Variants in KMT2C observed in about 807,000 individuals in gnomAD.
The protein encoded by KMT2C is lysine methyltransferase 2C.
Under a neutral mutation model 507.9 loss-of-function variants are expected in KMT2C, and 88 were observed. The observed-to-expected ratio is 0.17, with a 90% CI of 0.15 to 0.21. The LOEUF is 0.21. KMT2C is among the 10% of genes least tolerant of loss of function. KMT2C has a pLI of 1.00. For missense variants in KMT2C, 4,954 were observed against 5,957.8 expected, an observed-to-expected ratio of 0.83 and a Z score of 5.55; for synonymous variants, 2,049 against 2,080.8, an observed-to-expected ratio of 0.98 and a Z score of 0.42.
intron 6 of KMT2C, among the ~76,000 whole-genome samples, chr7:152,296,592 C>T (rs2096498860): frequency 6.6e-6 from 1 of 151,900 alleles, no homozygotes; most frequent in South Asian, 2.1e-4. Flanking sequence ...GAGGTCCTGC[C>T]CACTATCTTT....
At chr7:152,282,991 T>C (rs997678817) in intron 6 of KMT2C, among the ~76,000 whole-genome samples, 1 of 152,090 alleles carries the variant, frequency 6.6e-6, no homozygotes, top group Non-Finnish European at 1.5e-5. Context: ...ACCTGGTATC[T>C]CTCCAATAGT....
chr7:152,186,506 A>G (rs778278042), intron 33 of KMT2C, among the ~76,000 whole-genome samples: 8 of 152,226 alleles, frequency 5.3e-5, no homozygotes, highest in Non-Finnish European at 1.0e-4. Flanking sequence ...TTATTACAAT[A>G]CATAATGAAT....
In KMT2C at chr7:152,177,974, C is replaced by T. The variant is rs774939133; in HGVS notation, c.7479G>A (p.Pro2493=). ...GAGGCACAAGGAAGCGCTCTTGACTCGGCATGGTACCATGACTACCTCCTG... is the reference window on the plus strand; with the variant it reads ...GAGGCACAAGGAAGCGCTCTTGACTTGGCATGGTACCATGACTACCTCCTG... ...GFPGGSHGTM[P]SQERFLVPPQ... is the part of the protein sequence containing the mutation. Residue 2493 remains proline (P), a synonymous_variant, in exon 38 of 59, where the codon CCG becomes CCA. Transcript: ENST00000262189. 18 of 1,441,576 alleles carry T rather than the reference C, an allele frequency of 1.2e-5. No homozygotes were observed. The highest frequency in any genetic ancestry group is 2.9e-5 in the East Asian group (1 of 34,290). The allele number at this position is 1,441,576 out of a possible 1,614,324, so 89.3% of individuals were successfully genotyped here.
At chr7:152,359,698 TAGAA>T (rs2097180317) in intron 1 of KMT2C, among the ~76,000 whole-genome samples, 1 of 149,182 alleles carries the variant, frequency 6.7e-6, no homozygotes, top group South Asian at 2.1e-4. Context: ...AGGGAGGAAA[TAGAA>T]AGAAAAAATA....
intron 34 of KMT2C, among the ~76,000 whole-genome samples, chr7:152,183,585 A>G (rs1211700375): frequency 6.6e-6 from 1 of 151,618 alleles, no homozygotes; most frequent in African/African-American, 2.4e-5. Flanking sequence ...AACATGGTGA[A>G]ACCCCACCTC....
intron 1 of KMT2C, among the ~76,000 whole-genome samples, chr7:152,431,636 T>C (rs1288305478): frequency 6.6e-6 from 1 of 151,864 alleles, no homozygotes; most frequent in African/African-American, 2.4e-5. Flanking sequence ...AACAGGTTCT[T>C]ATTCATGGGA....
At chr7:152,225,413 G>A (rs1380673606) in intron 18 of KMT2C, among the ~76,000 whole-genome samples, 2 of 152,186 alleles carry the variant, frequency 1.3e-5, no homozygotes, top group Admixed American at 6.5e-5. Context: ...ACACCCATCA[G>A]AATGGCACCA....
rs113472404 is a variant in KMT2C at position 152,384,012 on chromosome 7, T to C, written c.162-25337A>G. ...AAAAAAAAAACAAGAACTAAGACTC[T>C]AGAAGGAGATCCGAGAGGCAGACAT... On this transcript the variant is annotated intron_variant, in intron 1 of 58. Coordinates refer to ENST00000262189, the MANE Select transcript of KMT2C (RefSeq NM_170606.3). Among the ~76,000 whole-genome samples the C allele has an allele frequency of 4.2e-3, 633 of 151,642 alleles. 6 individuals carry two copies. Among genetic ancestry groups the C allele is most frequent in the African/African-American group, 0.015 (611 of 41,206 alleles).
chr7:152,189,459 GA>G (rs2093724449), intron 31 of KMT2C, among the ~76,000 whole-genome samples: 3 of 151,900 alleles, frequency 2.0e-5, no homozygotes, highest in Non-Finnish European at 4.4e-5. Context: ...TATAACTAGA[GA>G]ATTCCTAACC....
At chr7:152,254,720 A>G (rs1472497894) in intron 9 of KMT2C, among the ~76,000 whole-genome samples, 1 of 152,182 alleles carries the variant, frequency 6.6e-6, no homozygotes, top group East Asian at 1.9e-4. Flanking sequence ...TTCTGGAGCC[A>G]ATGCAAGCAT....
intron 26 of KMT2C, among the ~76,000 whole-genome samples, chr7:152,199,728 T>C (rs947046990): frequency 6.6e-6 from 1 of 152,210 alleles, no homozygotes; most frequent in African/African-American, 2.4e-5. Flanking sequence ...CAAAGGTTTC[T>C]AGAAACTGCA....
At chr7:152,140,293 G>A (rs1450608612) in intron 55 of KMT2C, among the ~76,000 whole-genome samples, 2 of 152,210 alleles carry the variant, frequency 1.3e-5, no homozygotes, top group Non-Finnish European at 2.9e-5. Flanking sequence ...CACAGGAAAC[G>A]TCACTCTGCT....
chr7:152,238,562 T>C lies in KMT2C; in HGVS notation c.2652+145A>G, dbSNP rs192433964. 3.1e-4 allele frequency: 191 copies of C among 625,178 alleles called. No individual in the cohort carries two copies. In the African/African-American group the frequency reaches 3.2e-3, roughly 11 times the overall value. The allele number at this position is 625,178 out of a possible 1,614,324, so 38.7% of individuals were successfully genotyped here. A position where few individuals can be genotyped will look rare whatever the true frequency, so the allele number is the denominator to read the frequency against. On this transcript the variant is annotated intron_variant, in intron 15 of 58. Transcript: ENST00000262189. ...TACTTGATTTTTAAATGCAAGCATA[T>C]TATTTCTTTACATTAAAATTTTTAG...
At chr7:152,214,340 T>A (rs1194250031) in intron 23 of KMT2C, among the ~76,000 whole-genome samples, 1 of 152,178 alleles carries the variant, frequency 6.6e-6, no homozygotes, top group East Asian at 1.9e-4. Flanking sequence ...ACAATTTACT[T>A]ACCCATTCAA....
intron 2 of KMT2C, among the ~76,000 whole-genome samples, chr7:152,352,413 C>G (rs757247184): frequency 6.6e-6 from 1 of 152,124 alleles, no homozygotes; most frequent in Non-Finnish European, 1.5e-5. Context: ...TATTCTATTA[C>G]CTTGTGAAGC....
At chr7:152,410,271 G>C (rs2097667130) in intron 1 of KMT2C, among the ~76,000 whole-genome samples, 1 of 152,270 alleles carries the variant, frequency 6.6e-6, no homozygotes, top group Admixed American at 6.5e-5. Context: ...AATTAGCTGG[G>C]CATAGTGGCT....
At chr7:152,431,671 C>T (rs1422779804) in intron 1 of KMT2C, among the ~76,000 whole-genome samples, 2 of 151,658 alleles carry the variant, frequency 1.3e-5, no homozygotes, top group African/African-American at 4.8e-5. Flanking sequence ...TAAACAACAA[C>T]CTCCTAACAG....
chr7:152,232,577 T>C (rs1209663982), intron 16 of KMT2C, among the ~76,000 whole-genome samples: 1 of 152,170 alleles, frequency 6.6e-6, no homozygotes, highest in East Asian at 1.9e-4. Context: ...AATATATAAA[T>C]ATACCAAACT....
Position 152,145,192 on chromosome 7 carries a change from T to A in KMT2C, c.14135A>T (p.Glu4712Val), listed in dbSNP as rs1211944706. The A allele has an allele frequency of 6.2e-7, 1 of 1,614,160 alleles. No individual in the cohort carries two copies. The highest frequency in any genetic ancestry group is 8.5e-7 in the Non-Finnish European group (1 of 1,180,022). The stretch of plus-strand genomic sequence containing the variant: ...CTTGACATGGGCACTCATTTTAGGT[T>A]CAGAACGGGCACAACCTGTGGGGTT... ...AVNPTGCARS[E>V]PKMSAHVKRF... The change falls in exon 54 of 59, where the codon GAA (glutamate) becomes GTA (valine). Residue 4712 changes from glutamate to valine, a missense_variant. Glu to Val is a moderately radical substitution (Grantham distance 121). This residue lies in a region of KMT2C where 221 missense variants were observed against 304.7 expected (regional missense o/e 0.73). Transcript: ENST00000262189.
Sources: gnomAD v4.1 joint callset for allele counts (sites outside exome capture counted in the v4.1 genomes callset) on GRCh38, gnomAD v4.1.1 for gene constraint, gnomAD v4.1.1 regional missense constraint, MANE v1.5 for transcripts, NCBI Gene and HGNC (gene_info 2026-07-23, HGNC 2026-07-21) for gene names.